Variants in NRXN3 observed in about 807,000 individuals in gnomAD.
NRXN3 encodes the protein neurexin III.
Under a neutral mutation model 137.6 loss-of-function variants are expected in NRXN3, and 32 were observed. That is an observed-to-expected ratio of 0.23 (90% CI 0.18 to 0.31). NRXN3 has a LOEUF of 0.31. NRXN3 is among the 10% of genes least tolerant of loss of function. NRXN3 has a pLI of 1.00. For synonymous variants in NRXN3, 798 were observed against 784.5 expected (o/e 1.02, Z -0.29); for missense variants, 1,574 against 2,062.5 (o/e 0.76, Z 4.59).
At chr14:78,383,269 A>G (rs1394654342) in intron 4 of NRXN3, among the ~76,000 whole-genome samples, 4 of 152,084 alleles carry the variant, frequency 2.6e-5, no homozygotes, top group East Asian at 1.9e-4. Context: ...TCTGCTCACA[A>G]TCTCCTCTGG....
intron 4 of NRXN3, among the ~76,000 whole-genome samples, chr14:78,385,910 G>A (rs2089905192): frequency 6.6e-6 from 1 of 152,034 alleles, no homozygotes; most frequent in African/African-American, 2.4e-5. Context: ...TGTGACAATT[G>A]TTAGACCACA....
chr14:79,701,421 A>G (rs1260729607), intron 19 of NRXN3, among the ~76,000 whole-genome samples: 2 of 152,062 alleles, frequency 1.3e-5, no homozygotes, highest in Non-Finnish European at 2.9e-5. Flanking sequence ...TCAGTGGCTG[A>G]CTTTGCCTGG....
At chr14:79,823,144 A>G (rs1386123922) in intron 20 of NRXN3, among the ~76,000 whole-genome samples, 4 of 32,130 alleles carry the variant, frequency 1.2e-4, no homozygotes, top group Admixed American at 1.2e-3. Context: ...GCAATTCCTG[A>G]ATGTGTATCT....
intron 9 of NRXN3, among the ~76,000 whole-genome samples, chr14:78,804,039 A>G (rs1414764192): frequency 6.6e-6 from 1 of 152,066 alleles, no homozygotes; most frequent in East Asian, 1.9e-4. Flanking sequence ...GACAGTGGTG[A>G]TTTCTTTACT....
At chr14:78,357,370 C>T (rs912030628) in intron 4 of NRXN3, among the ~76,000 whole-genome samples, 1 of 152,146 alleles carries the variant, frequency 6.6e-6, no homozygotes, top group African/African-American at 2.4e-5. Flanking sequence ...AAATCAGTCA[C>T]CTCCCACCAG....
chr14:79,157,828 C>T (rs1411785103), intron 15 of NRXN3, among the ~76,000 whole-genome samples: 1 of 151,718 alleles, frequency 6.6e-6, no homozygotes, highest in Non-Finnish European at 1.5e-5. Context: ...TAACAAAAGA[C>T]TTGAGAAATA....
intron 15 of NRXN3, among the ~76,000 whole-genome samples, chr14:79,366,620 C>A (rs550891362): frequency 2.4e-4 from 37 of 152,224 alleles, no homozygotes; most frequent in Admixed American, 7.2e-4. Flanking sequence ...TTTTCCATAG[C>A]TCACTAATTT....
At chr14:78,983,630 A>G (rs1322568933) in intron 14 of NRXN3, among the ~76,000 whole-genome samples, 1 of 152,052 alleles carries the variant, frequency 6.6e-6, no homozygotes, top group East Asian at 1.9e-4. Flanking sequence ...AGGCCGAGGC[A>G]GGTAGATCAC....
intron 20 of NRXN3, among the ~76,000 whole-genome samples, chr14:79,820,121 G>T (rs1011493418): frequency 6.6e-6 from 1 of 152,062 alleles, no homozygotes; most frequent in African/African-American, 2.4e-5. Flanking sequence ...ACTGAGATAC[G>T]ATTTCACAAC....
intron 10 of NRXN3, among the ~76,000 whole-genome samples, chr14:78,907,306 T>A (rs1324333547): frequency 6.6e-6 from 1 of 152,004 alleles, no homozygotes; most frequent in Non-Finnish European, 1.5e-5. Flanking sequence ...CGTCAAGATA[T>A]CACCAGGAAA....
chr14:79,303,823 C>T (rs1220412570), intron 15 of NRXN3, among the ~76,000 whole-genome samples: 1 of 152,020 alleles, frequency 6.6e-6, no homozygotes, highest in African/African-American at 2.4e-5. Context: ...TTTGGCTTCC[C>T]AATCTCTGCC....
chr14:79,167,175 A>G (rs1042434418), intron 15 of NRXN3, among the ~76,000 whole-genome samples: 5 of 152,064 alleles, frequency 3.3e-5, no homozygotes, highest in Non-Finnish European at 7.4e-5. Context: ...GATGGTGGCC[A>G]CATGATATGT....
chr14:78,786,713 C>T (rs867828331), intron 8 of NRXN3, among the ~76,000 whole-genome samples: 3 of 152,016 alleles, frequency 2.0e-5, no homozygotes, highest in Non-Finnish European at 2.9e-5. Context: ...CTAGGTGACT[C>T]AATAGATTTT....
intron 19 of NRXN3, among the ~76,000 whole-genome samples, chr14:79,699,969 A>G (rs971560735): frequency 1.3e-5 from 2 of 151,980 alleles, no homozygotes; most frequent in Non-Finnish European, 2.9e-5. Flanking sequence ...GATTTTTTGG[A>G]AGACTAACTA....
chr14:78,966,238 C>T lies in NRXN3; in HGVS notation c.2609C>T (p.Ala870Val). 1 of 1,614,228 alleles carries T rather than the reference C, an allele frequency of 6.2e-7. No homozygotes were observed. Among genetic ancestry groups the T allele is most frequent in the Non-Finnish European group, 8.5e-7 (1 of 1,180,044 alleles). Reference sequence around the variant, plus strand: ...CGTTTTGGACTGAGGAACATCATCGCTGACCCTGTCACCTTTAAGACCAAG... The same window carrying T: ...CGTTTTGGACTGAGGAACATCATCGTTGACCCTGTCACCTTTAAGACCAAG... ...KARFGLRNII[A>V]DPVTFKTKSS... Residue 870 changes from alanine (A) to valine (V), a missense_variant, in exon 12 of 21, where the codon GCT (alanine) becomes GTT (valine). Coordinates refer to ENST00000335750, the MANE Select transcript of NRXN3 (RefSeq NM_001330195.2).
chr14:79,235,445 C>A (rs2073195791), intron 15 of NRXN3, among the ~76,000 whole-genome samples: 1 of 152,122 alleles, frequency 6.6e-6, no homozygotes, highest in African/African-American at 2.4e-5. Context: ...GACCTTTGGG[C>A]AAATGCCTCC....
intron 16 of NRXN3, among the ~76,000 whole-genome samples, chr14:79,631,809 C>T (rs7143533): frequency 0.097 from 10,856 of 111,430 alleles, 1,288 homozygotes; most frequent in African/African-American, 0.39. Flanking sequence ...CAGTGCTCTG[C>T]ATCTAGCTAA....
intron 16 of NRXN3, among the ~76,000 whole-genome samples, chr14:79,604,138 G>A (rs745970257): frequency 4.6e-5 from 7 of 151,150 alleles, no homozygotes; most frequent in South Asian, 2.1e-4. Flanking sequence ...TGATCTGCCC[G>A]CCTCGGCCTC....
chr14:79,618,345 C>T (rs2098184692), intron 16 of NRXN3, among the ~76,000 whole-genome samples: 2 of 151,934 alleles, frequency 1.3e-5, no homozygotes, highest in South Asian at 4.1e-4. Context: ...TCAACCCTTC[C>T]CTCCCCCTCT....
Sources: allele counts gnomAD v4.1 joint callset (sites outside exome capture counted in the v4.1 genomes callset), GRCh38; gene constraint gnomAD v4.1.1; transcripts MANE v1.5; gene names NCBI Gene and HGNC (gene_info 2026-07-23, HGNC 2026-07-21).